The following WASHC5 variants were observed in gnomAD, a reference collection of about 807,000 sequenced individuals.
WASHC5 encodes the protein WASH complex subunit 5, also known as WASH complex subunit strumpellin.
Under a neutral mutation model 150.4 loss-of-function variants are expected in WASHC5, and 101 were observed. That is an observed-to-expected ratio of 0.67 (90% CI 0.57 to 0.79). WASHC5 has a LOEUF of 0.79. Ranked by LOEUF, WASHC5 falls within the 30% of genes least tolerant of loss-of-function variation. The probability of loss-of-function intolerance (pLI) is 0.00; values close to 1 mark genes in which losing one functional copy is unlikely to be tolerated. For missense variants in WASHC5, 1,195 were observed against 1,396.3 expected, an observed-to-expected ratio of 0.86 and a Z score of 2.30; for synonymous variants, 467 against 491.2, an observed-to-expected ratio of 0.95 and a Z score of 0.65.
intron 28 of WASHC5, 69 bp from the exon 29 acceptor site, chr8:125,024,742 A>C: frequency 9.6e-7 from 1 of 1,039,856 alleles, no homozygotes; most frequent in South Asian, 1.3e-5. Context: ...TCATACGTAA[A>C]AGAAAAGATA....
chr8:125,072,854 G>A (rs565451899), intron 9 of WASHC5, among the ~76,000 whole-genome samples: 1 of 152,254 alleles, frequency 6.6e-6, no homozygotes, highest in Admixed American at 6.5e-5. Flanking sequence ...CAGATCTGCA[G>A]TTCTATTTTT....
Position 125,037,232 on chromosome 8 carries a change from C to T in WASHC5, c.3181+5G>A, listed in dbSNP as rs778630793. 8.5e-6 allele frequency: 13 copies of T among 1,534,072 alleles called. No homozygotes were observed. The highest frequency in any genetic ancestry group is 2.3e-5 in the East Asian group (1 of 44,372). ...CTCATTGCAAATAATAAATGTTATA[C>T]GTACCCAGATTTTTGTTGTATTGAA... On this transcript the variant is annotated splice_donor_5th_base_variant and intron_variant, in intron 26 of 28. Coordinates refer to ENST00000318410, the MANE Select transcript of WASHC5 (RefSeq NM_014846.4).
chr8:125,077,994 G>A (rs1201775655), intron 6 of WASHC5, among the ~76,000 whole-genome samples: 2 of 152,174 alleles, frequency 1.3e-5, no homozygotes, highest in Non-Finnish European at 1.5e-5. Context: ...GAACTGCACA[G>A]ATCAGGTTCA....
At chr8:125,082,301 T>C in intron 4 of WASHC5, 82 bp downstream of exon 4, 1 of 802,488 alleles carries the variant, frequency 1.2e-6, no homozygotes, top group Non-Finnish European at 2.2e-6. Flanking sequence ...GTATTTCGTA[T>C]ATATTTGTGA....
At chr8:125,032,186 T>G in intron 27 of WASHC5, 55 bp downstream of exon 27, 1 of 1,596,482 alleles carries the variant, frequency 6.3e-7, no homozygotes, top group Non-Finnish European at 8.6e-7. Context: ...AATGTGAGGT[T>G]TAAGTTAGGT....
At chr8:125,037,882 C>T (rs1815763315) in intron 25 of WASHC5, among the ~76,000 whole-genome samples, 1 of 152,162 alleles carries the variant, frequency 6.6e-6, no homozygotes, top group African/African-American at 2.4e-5. Context: ...ACGGCAGAAA[C>T]TACAGTCAGG....
intron 7 of WASHC5, among the ~76,000 whole-genome samples, chr8:125,075,765 C>G (rs1235413879): frequency 2.0e-5 from 3 of 152,134 alleles, no homozygotes; most frequent in Admixed American, 1.3e-4. Flanking sequence ...CTGCTACATG[C>G]GAATATAATC....
rs1817663048 is a variant in WASHC5, at chr8:125,091,786, C to G, written c.-296G>C. The G allele has an allele frequency of 6.6e-6, 1 of 152,410 alleles. No homozygotes were observed. The highest frequency in any genetic ancestry group is 2.4e-5 in the African/African-American group (1 of 41,468). The allele number at this position is 152,410 out of a possible 1,614,324, so 9.4% of individuals were successfully genotyped here. ...CCTGACTCCCCAGGCGGTCACATGA[C>G]CGAAGCGGCTGGGAGCAGGGAGGGG... is the stretch of plus-strand genomic sequence containing the variant. On this transcript the variant is annotated 5_prime_UTR_variant, in exon 1 of 29. Transcript: ENST00000318410.
intron 16 of WASHC5, 82 bp from the exon 17 acceptor site, chr8:125,055,753 G>T: frequency 1.1e-6 from 1 of 877,342 alleles, no homozygotes; most frequent in Non-Finnish European, 1.9e-6. Context: ...AGAACTTGTA[G>T]CTTTAGGACA....
chr8:125,029,909 T>G (rs1209545248), intron 27 of WASHC5, among the ~76,000 whole-genome samples: 1 of 152,252 alleles, frequency 6.6e-6, no homozygotes, highest in Non-Finnish European at 1.5e-5. Context: ...TTCTCCCTGC[T>G]CTCAATCTTT....
In WASHC5 at chr8:125,067,703, G is replaced by A. The variant is rs1816787946; in HGVS notation, c.1167C>T (p.Asn389=). 2 of 1,613,684 alleles carry A rather than the reference G, an allele frequency of 1.2e-6. 1 individual carries two copies. Among genetic ancestry groups the A allele is most frequent in the Admixed American group, 3.3e-5 (2 of 59,982 alleles). The change falls in exon 10 of 29, where the codon AAC becomes AAT. Residue 389 remains asparagine, a synonymous_variant. Coordinates refer to ENST00000318410, the MANE Select transcript of WASHC5 (RefSeq NM_014846.4). The stretch of plus-strand genomic sequence containing the variant: ...GGTCCTTGATTTGACGAAGGCGTTT[G>A]TTGTTTGGGTCACAGGCTAGAAACA... ...HTADSACDPN[N]KRLRQIKDQI... is the part of the protein sequence containing the mutation.
intron 27 of WASHC5, among the ~76,000 whole-genome samples, chr8:125,031,976 C>T (rs1815553119): frequency 6.6e-6 from 1 of 152,122 alleles, no homozygotes; most frequent in African/African-American, 2.4e-5. Flanking sequence ...ACTTTCTTCC[C>T]CATGGTAGTT....
intron 12 of WASHC5, among the ~76,000 whole-genome samples, chr8:125,060,733 A>G (rs1261677604): frequency 6.6e-6 from 1 of 152,062 alleles, no homozygotes; most frequent in Non-Finnish European, 1.5e-5. Flanking sequence ...CCCCCAAGGC[A>G]CACACTTTTT....
chr8:125,059,393 A>C lies in WASHC5; in HGVS notation c.1671T>G (p.Ala557=). 1 of 1,614,202 alleles carries C rather than the reference A, an allele frequency of 6.2e-7. No homozygotes were observed. The highest frequency in any genetic ancestry group is 1.6e-4 in the Middle Eastern group (1 of 6,062). ...TMQIVGDLSF[A]WQLIDSFTSI... ...TACATTACCTGTCAATCAACTGCCA[A>C]GCGAAAGAAAGGTCCCCAACGATCT... The change falls in exon 13 of 29, where the codon GCT becomes GCG. Residue 557 remains alanine (A), a synonymous_variant. Coordinates refer to ENST00000318410, the MANE Select transcript of WASHC5 (RefSeq NM_014846.4).
At chr8:125,032,424 G>A in intron 26 of WASHC5, 30 bp from the exon 27 acceptor site, 1 of 1,612,666 alleles carries the variant, frequency 6.2e-7, no homozygotes, top group Non-Finnish European at 8.5e-7. Flanking sequence ...AACACCATAT[G>A]AAGTACTTGC....
intron 6 of WASHC5, 106 bp from the exon 7 acceptor site, chr8:125,076,606 C>T: frequency 7.4e-7 from 1 of 1,344,430 alleles, no homozygotes; most frequent in Non-Finnish European, 1.0e-6. Context: ...TTTCCAAAGC[C>T]CATCACCTTT....
chr8:125,061,824 G>T (rs1180998413), intron 11 of WASHC5, among the ~76,000 whole-genome samples: 2 of 152,182 alleles, frequency 1.3e-5, no homozygotes, highest in African/African-American at 4.8e-5. Flanking sequence ...CTAAGTATTT[G>T]ATCTTCATAG....
At chr8:125,066,769 G>C (rs1816753898) in intron 10 of WASHC5, among the ~76,000 whole-genome samples, 1 of 152,088 alleles carries the variant, frequency 6.6e-6, no homozygotes, top group Non-Finnish European at 1.5e-5. Flanking sequence ...TCTTTGAATT[G>C]TTTATGTTCC....
At chr8:125,078,381 G>C (rs1209249901) in intron 6 of WASHC5, among the ~76,000 whole-genome samples, 2 of 152,146 alleles carry the variant, frequency 1.3e-5, no homozygotes, top group African/African-American at 4.8e-5. Context: ...CCTTTCCTAA[G>C]CTACAAGCTC....
Sources: gnomAD v4.1 joint callset for allele counts (sites outside exome capture counted in the v4.1 genomes callset) on GRCh38, gnomAD v4.1.1 for gene constraint, MANE v1.5 for transcripts, NCBI Gene and HGNC (gene_info 2026-07-23, HGNC 2026-07-21) for gene names.